Variants in CNTNAP2 observed in about 807,000 individuals in gnomAD.
The protein encoded by CNTNAP2 is contactin associated protein 2.
CNTNAP2 carries 98 observed loss-of-function variants against 155.2 expected under a neutral mutation model. The observed-to-expected ratio is 0.63, with a 90% CI of 0.54 to 0.75. The LOEUF (loss-of-function observed/expected upper bound fraction) is 0.75. CNTNAP2 is among the 30% of genes least tolerant of loss of function. The probability of loss-of-function intolerance (pLI) is 0.00; values close to 1 mark genes in which losing one functional copy is unlikely to be tolerated. For missense variants in CNTNAP2, 1,727 were observed against 1,688.1 expected (o/e 1.02, Z -0.40); for synonymous variants, 651 against 631.2 (o/e 1.03, Z -0.47).
At chr7:146,222,258 T>A (rs1486345895) in intron 1 of CNTNAP2, among the ~76,000 whole-genome samples, 1 of 152,160 alleles carries the variant, frequency 6.6e-6, no homozygotes, top group East Asian at 1.9e-4. Flanking sequence ...ATCCACAGGC[T>A]GACAAGAGAA....
intron 1 of CNTNAP2, among the ~76,000 whole-genome samples, chr7:146,657,060 ATCTC>A (rs764710323): frequency 1.8e-4 from 28 of 151,986 alleles, no homozygotes; most frequent in African/African-American, 5.3e-4. Flanking sequence ...TCTTTTTGTC[ATCTC>A]TCTCTCTCTG....
intron 8 of CNTNAP2, among the ~76,000 whole-genome samples, chr7:147,173,151 G>T (rs886077496): frequency 2.6e-5 from 4 of 152,114 alleles, no homozygotes; most frequent in Admixed American, 2.0e-4. Context: ...ATTAAAGTCT[G>T]CACTTTCTCA....
chr7:147,753,728 T>A (rs535863985), intron 13 of CNTNAP2, among the ~76,000 whole-genome samples: 120 of 152,234 alleles, frequency 7.9e-4, no homozygotes, highest in Non-Finnish European at 1.3e-3. Context: ...GGTCGCACAA[T>A]TCACTACATG....
intron 8 of CNTNAP2, among the ~76,000 whole-genome samples, chr7:147,174,177 AT>A (rs996518822): frequency 1.1e-4 from 16 of 152,100 alleles, no homozygotes; most frequent in Non-Finnish European, 1.9e-4. Flanking sequence ...CAAAAACTGA[AT>A]TTTTTAAAAC....
chr7:148,323,146 G>A (rs1410653152), intron 21 of CNTNAP2, among the ~76,000 whole-genome samples: 1 of 152,104 alleles, frequency 6.6e-6, no homozygotes, highest in Non-Finnish European at 1.5e-5. Flanking sequence ...TACGTGAGAA[G>A]AAACCGAGGT....
chr7:147,230,528 C>T (rs368753741), intron 8 of CNTNAP2, among the ~76,000 whole-genome samples: 1 of 152,182 alleles, frequency 6.6e-6, no homozygotes, highest in Non-Finnish European at 1.5e-5. Context: ...GGATTGCAGG[C>T]ATGAACCATG....
In CNTNAP2 at chr7:148,106,886, G is replaced by T. The variant is rs1804235199; in HGVS notation, c.2384-11232G>T. On this transcript the variant is annotated intron_variant, in intron 15 of 23. Transcript: ENST00000361727. ...GGGCTTACCCAGGACAGAAATTGGA[G>T]TGAGGACAGGAAGGCCACAAGTTCC... Among the ~76,000 whole-genome samples, 6 of 152,284 alleles carry T rather than the reference G, an allele frequency of 3.9e-5. 1 individual carries two copies. The South Asian group carries it at 1.2e-3, about 32-fold the overall frequency.
chr7:147,444,525 CTTT>C (rs557707358), intron 10 of CNTNAP2, among the ~76,000 whole-genome samples: 9 of 131,856 alleles, frequency 6.8e-5, no homozygotes, highest in Admixed American at 7.7e-5. Flanking sequence ...ATTAAATTTT[CTTT>C]TTTTTTTTTT....
chr7:147,277,122 G>A (rs909708589), intron 8 of CNTNAP2, among the ~76,000 whole-genome samples: 15 of 152,084 alleles, frequency 9.9e-5, no homozygotes, highest in African/African-American at 2.2e-4. Context: ...CTAGTATTCC[G>A]TTGTTCCTGT....
At chr7:146,777,052 A>G (rs919136314) in intron 2 of CNTNAP2, among the ~76,000 whole-genome samples, 10 of 152,208 alleles carry the variant, frequency 6.6e-5, no homozygotes, top group African/African-American at 2.2e-4. Flanking sequence ...CAGATGTTTC[A>G]AAAGCAAAAA....
chr7:146,177,464 G>A (rs1798486434), intron 1 of CNTNAP2, among the ~76,000 whole-genome samples: 2 of 152,142 alleles, frequency 1.3e-5, no homozygotes, highest in Non-Finnish European at 1.5e-5. Flanking sequence ...AGAATGTGAT[G>A]TATTTTCTTC....
chr7:148,096,422 T>C (rs1488450078), intron 15 of CNTNAP2, among the ~76,000 whole-genome samples: 1 of 152,066 alleles, frequency 6.6e-6, no homozygotes, highest in Non-Finnish European at 1.5e-5. Context: ...TGTTGATACA[T>C]GAAATCATAG....
At chr7:148,032,763 C>T (rs76456536) in intron 15 of CNTNAP2, among the ~76,000 whole-genome samples, 6,236 of 152,216 alleles carry the variant, frequency 0.041, 166 homozygotes, top group South Asian at 0.11. Context: ...CCTGCTGACG[C>T]GAAGGCTGCT....
intron 14 of CNTNAP2, among the ~76,000 whole-genome samples, chr7:147,950,740 A>C (rs1448300626): frequency 6.6e-6 from 1 of 152,244 alleles, no homozygotes; most frequent in Non-Finnish European, 1.5e-5. Flanking sequence ...AGCAGATACA[A>C]GAAGAGCACT....
chr7:148,091,201 C>A (rs1420850362), intron 15 of CNTNAP2, among the ~76,000 whole-genome samples: 1 of 152,016 alleles, frequency 6.6e-6, no homozygotes, highest in Non-Finnish European at 1.5e-5. Context: ...ATGAAAATTG[C>A]TATGAGAGTG....
chr7:147,816,586 T>C (rs1563099471), intron 13 of CNTNAP2, among the ~76,000 whole-genome samples: 2 of 152,108 alleles, frequency 1.3e-5, no homozygotes, highest in East Asian at 1.9e-4. Context: ...GCTTGGGAAC[T>C]CTTTTTCAAA....
chr7:146,978,433 A>G (rs780303536), intron 3 of CNTNAP2, among the ~76,000 whole-genome samples: 11 of 152,150 alleles, frequency 7.2e-5, no homozygotes, highest in Non-Finnish European at 1.3e-4. Context: ...CAGAAAAATG[A>G]CATTTCCAGG....
chr7:148,036,502 G>C (rs1802576262), intron 15 of CNTNAP2, among the ~76,000 whole-genome samples: 1 of 152,006 alleles, frequency 6.6e-6, no homozygotes, highest in Admixed American at 6.6e-5. Context: ...CTCTTGTGAT[G>C]CTTTCCATGT....
At chr7:148,061,920 T>TATAG (rs112163050) in intron 15 of CNTNAP2, among the ~76,000 whole-genome samples, 6,564 of 125,352 alleles carry the variant, frequency 0.052, 431 homozygotes, top group African/African-American at 0.1. Context: ...GATAAACAGA[T>TATAG]ATAGATAGAT....
Sources: gnomAD v4.1 joint callset for allele counts (sites outside exome capture counted in the v4.1 genomes callset) on GRCh38, gnomAD v4.1.1 for gene constraint, MANE v1.5 for transcripts, NCBI Gene and HGNC (gene_info 2026-07-23, HGNC 2026-07-21) for gene names.